ABLIM2: variants seen among roughly 807,000 people sequenced by gnomAD.
The protein encoded by ABLIM2 is actin binding LIM protein family member 2.
Under a neutral mutation model 97.7 loss-of-function variants are expected in ABLIM2, and 53 were observed. The observed-to-expected ratio is 0.54, with a 90% confidence interval of 0.44 to 0.68. The LOEUF (loss-of-function observed/expected upper bound fraction) is 0.68, where lower values mean the gene tolerates loss of function less well. ABLIM2 is among the 30% of genes least tolerant of loss of function. The pLI, the probability that ABLIM2 is intolerant of heterozygous loss-of-function variation, is 0.00. For missense variants in ABLIM2, 835 were observed against 867.2 expected, an observed-to-expected ratio of 0.96 and a Z score of 0.47; for synonymous variants, 361 against 345.8, an observed-to-expected ratio of 1.04 and a Z score of -0.49.
chr4:8,060,889 C>T, intron 7 of ABLIM2, 78 bp downstream of exon 7: 1 of 1,263,070 alleles, frequency 7.9e-7, no homozygotes, highest in Non-Finnish European at 1.1e-6. Flanking sequence ...CCAACCTGTT[C>T]ACACCCAGCA....
intron 5 of ABLIM2, among the ~76,000 whole-genome samples, chr4:8,079,748 A>G (rs554135409): frequency 6.6e-6 from 1 of 150,702 alleles, no homozygotes. Context: ...ATGTGCATGC[A>G]TATGCGTGCG....
intron 14 of ABLIM2, among the ~76,000 whole-genome samples, chr4:8,013,011 CAG>C (rs1209409299): frequency 2.0e-5 from 3 of 152,168 alleles, no homozygotes; most frequent in East Asian, 1.9e-4. Context: ...AGAAAAAACT[CAG>C]ACATGACCCT....
intron 1 of ABLIM2, among the ~76,000 whole-genome samples, chr4:8,111,123 C>T (rs112096601): frequency 8.1e-4 from 123 of 152,342 alleles, no homozygotes; most frequent in African/African-American, 2.6e-3. Flanking sequence ...AATGGATAAA[C>T]GAGCTGGGGT....
At chr4:8,063,621 C>A (rs1804937410) in intron 6 of ABLIM2, among the ~76,000 whole-genome samples, 1 of 152,362 alleles carries the variant, frequency 6.6e-6, no homozygotes, top group Non-Finnish European at 1.5e-5. Flanking sequence ...AGAGCTTAAG[C>A]CCATGCCCAG....
chr4:8,012,785 C>T (rs1390028519), intron 14 of ABLIM2, among the ~76,000 whole-genome samples: 1 of 152,190 alleles, frequency 6.6e-6, no homozygotes, highest in Non-Finnish European at 1.5e-5. Context: ...CACACTCACG[C>T]ATCCATCTAC....
In ABLIM2 at chr4:8,071,822, T is replaced by C. The variant is rs537173121; in HGVS notation, c.675+5806A>G. 45 of 985,360 alleles carry C rather than the reference T, an allele frequency of 4.6e-5. No individual in the cohort carries two copies. Among genetic ancestry groups the C allele is most frequent in the Non-Finnish European group, 5.3e-5 (44 of 829,958 alleles). 61.0% of individuals were successfully genotyped at this position (985,360 alleles called of 1,614,324 possible). On this transcript the variant is annotated intron_variant, in intron 6 of 20. Transcript: ENST00000447017. This position sits in a 1 kb window ranked among gnomAD's most constrained non-coding sequence, Gnocchi z 6.2. ...GTCTGACGGCCCTGCTTGAGTGCCG[T>C]GCTCCCTGGAACGTGTGCCTGCGAG...
chr4:8,057,662 C>A (rs74384806), intron 7 of ABLIM2, among the ~76,000 whole-genome samples: 3 of 152,166 alleles, frequency 2.0e-5, no homozygotes, highest in Non-Finnish European at 4.4e-5. Context: ...TATTTTAATA[C>A]GGGCATCTTA....
At chr4:7,982,418 C>A (rs1476344614) in intron 20 of ABLIM2, among the ~76,000 whole-genome samples, 1 of 152,192 alleles carries the variant, frequency 6.6e-6, no homozygotes, top group Non-Finnish European at 1.5e-5. Context: ...GAGATGAAAC[C>A]CCCGGGCTGG....
intron 7 of ABLIM2, among the ~76,000 whole-genome samples, chr4:8,055,529 C>T (rs774724347): frequency 1.6e-4 from 24 of 152,252 alleles, no homozygotes; most frequent in Non-Finnish European, 2.9e-4. Context: ...GCTGTGTCTC[C>T]ATCTCTCACC....
rs907199977 is a variant in ABLIM2 at position 8,004,625 on chromosome 4, G to T, written c.1618+3434C>A. On this transcript the variant is annotated intron_variant, in intron 16 of 20. Transcript: ENST00000447017. The surrounding 1 kb of genome is among the most constrained non-coding windows in gnomAD (Gnocchi z 5.9). Reference sequence around the variant, plus strand: ...GGGCCTCAAGGGGCTAGGAATGTGGGACCCCAAGCAGCAGCAGGCCCTACT... The same window carrying T: ...GGGCCTCAAGGGGCTAGGAATGTGGTACCCCAAGCAGCAGCAGGCCCTACT... Among the ~76,000 whole-genome samples, 2 of 152,088 alleles carry T rather than the reference G, an allele frequency of 1.3e-5. No homozygotes were observed. Among genetic ancestry groups the T allele is most frequent in the Non-Finnish European group, 2.9e-5 (2 of 68,028 alleles).
At chr4:7,985,512 G>T (rs555999187) in intron 17 of ABLIM2, among the ~76,000 whole-genome samples, 1 of 152,290 alleles carries the variant, frequency 6.6e-6, no homozygotes, top group South Asian at 2.1e-4. Context: ...GCACGTGGCT[G>T]TGCGTGCGAG....
intron 10 of ABLIM2, among the ~76,000 whole-genome samples, chr4:8,035,546 G>A (rs1159406525): frequency 6.6e-6 from 1 of 152,230 alleles, no homozygotes; most frequent in African/African-American, 2.4e-5. Context: ...CTGCGGTCAT[G>A]TTGAAACCTC....
At position 8,158,668 on chromosome 4, in the gene ABLIM2, C is replaced by G; in HGVS notation, c.10+12G>C. 6 of 1,503,850 alleles carry G rather than the reference C, an allele frequency of 4.0e-6. No individual in the cohort carries two copies. Among genetic ancestry groups the G allele is most frequent in the Non-Finnish European group, 5.3e-6 (6 of 1,131,418 alleles). The allele number at this position is 1,503,850 out of a possible 1,614,324, so 93.2% of individuals were successfully genotyped here. ...GCGGGGACCCGTTGGTCCCTCGGTC[C>G]CCAGCACCCACCTGCACTCATCTCA... On this transcript the variant is annotated intron_variant, in intron 1 of 20. Coordinates refer to ENST00000447017, the MANE Select transcript of ABLIM2 (RefSeq NM_001130083.2).
chr4:8,147,459 A>C lies in ABLIM2; in HGVS notation c.10+11221T>G. ...GTTAAAAGGGGAGGGGTCTTTGCAG[A>C]TGTGATTTACATAAAGCGTCTAGAG... On this transcript the variant is annotated intron_variant, in intron 1 of 20. Transcript: ENST00000447017. The surrounding 1 kb of genome is among the most constrained non-coding windows in gnomAD (Gnocchi z 5.3). Among the ~76,000 whole-genome samples, 1 of 152,186 alleles carries C rather than the reference A, an allele frequency of 6.6e-6. No homozygotes were observed. Among genetic ancestry groups the C allele is most frequent in the East Asian group, 1.9e-4 (1 of 5,202 alleles).
intron 1 of ABLIM2, among the ~76,000 whole-genome samples, chr4:8,136,106 G>A (rs1217919054): frequency 6.6e-6 from 1 of 152,226 alleles, no homozygotes; most frequent in East Asian, 1.9e-4. Context: ...TACGGACGAT[G>A]AAATAGCACT....
At chr4:7,972,262 A>C (rs1046465787) in intron 20 of ABLIM2, among the ~76,000 whole-genome samples, 8 of 152,128 alleles carry the variant, frequency 5.3e-5, no homozygotes, top group Non-Finnish European at 8.8e-5. Flanking sequence ...ACAGCCTTGC[A>C]CGCCTCTTCT....
At chr4:8,139,634 T>C (rs79461872) in intron 1 of ABLIM2, among the ~76,000 whole-genome samples, 6 of 152,232 alleles carry the variant, frequency 3.9e-5, no homozygotes, top group African/African-American at 1.4e-4. Context: ...GAAACAGGAA[T>C]GCTTTTACTC....
chr4:8,088,786 G>A (rs1825479865), intron 3 of ABLIM2, among the ~76,000 whole-genome samples: 1 of 152,196 alleles, frequency 6.6e-6, no homozygotes, highest in African/African-American at 2.4e-5. Context: ...AACCTAGTTG[G>A]TATTTGCTTC....
rs1209182854 is a variant in ABLIM2 at position 8,082,315 on chromosome 4, C to T, written c.455-1513G>A. On this transcript the variant is annotated intron_variant, in intron 4 of 20. Coordinates refer to ENST00000447017, the MANE Select transcript of ABLIM2 (RefSeq NM_001130083.2). This position sits in a 1 kb window ranked among gnomAD's most constrained non-coding sequence, Gnocchi z 5.6. ...GAGCGTATTCCTCCTGCGGGAGCCC[C>T]CATTTCCTCATCGTGGGGTGGGGTG... is the stretch of plus-strand genomic sequence containing the variant. Among the ~76,000 whole-genome samples, 1 of 152,230 alleles carries T rather than the reference C, an allele frequency of 6.6e-6. No individual in the cohort carries two copies. Among genetic ancestry groups the T allele is most frequent in the Non-Finnish European group, 1.5e-5 (1 of 68,046 alleles).
Sources: allele counts gnomAD v4.1 joint callset (sites outside exome capture counted in the v4.1 genomes callset), GRCh38; gene constraint gnomAD v4.1.1; non-coding constraint Gnocchi (gnomAD v3.1); transcripts MANE v1.5; gene names NCBI Gene and HGNC (gene_info 2026-07-23, HGNC 2026-07-21).